Variants in LYPD1 observed in about 807,000 individuals in gnomAD.
LYPD1 encodes ly6/PLAUR domain-containing protein 1.
In LYPD1, 14 loss-of-function variants were observed where a neutral mutation model predicts 14.2. That is an observed-to-expected ratio of 0.99 (90% CI 0.65 to 1.54). The LOEUF (loss-of-function observed/expected upper bound fraction) is 1.54, where lower values mean the gene tolerates loss of function less well. Among genes scored for constraint, LYPD1 ranks in the 40% most tolerant of loss-of-function variants. LYPD1 has a pLI of 0.00. For synonymous variants in LYPD1, 85 were observed against 70.6 expected, an observed-to-expected ratio of 1.20 and a Z score of -1.02; for missense variants, 165 against 175.7, an observed-to-expected ratio of 0.94 and a Z score of 0.34.
Position 132,654,924 on chromosome 2 carries a change from A to T in LYPD1, c.191-8644T>A, listed in dbSNP as rs1682502228. On this transcript the variant is annotated intron_variant, in intron 2 of 2. Coordinates refer to ENST00000397463, the MANE Select transcript of LYPD1 (RefSeq NM_144586.7). ...CCACCATGCCCGGTTAATTTTTTGT[A>T]TTTTTAGTAGAGACGGGGTTTCACC... is the stretch of plus-strand genomic sequence containing the variant. Among the ~76,000 whole-genome samples the T allele has an allele frequency of 2.0e-5, 3 of 151,502 alleles. No individual in the cohort carries two copies. In the East Asian group the frequency reaches 5.8e-4, roughly 29 times the overall value.
chr2:132,669,515 C>A lies in LYPD1; in HGVS notation c.52+366G>T, dbSNP rs1683508844. Among the ~76,000 whole-genome samples, 1 of 152,156 alleles carries A rather than the reference C, an allele frequency of 6.6e-6. No individual in the cohort carries two copies. The highest frequency in any genetic ancestry group is 6.5e-5 in the Admixed American group (1 of 15,284). On this transcript the variant is annotated intron_variant, in intron 1 of 2. Transcript: ENST00000397463. The surrounding 1 kb of genome is among the most constrained non-coding windows in gnomAD (Gnocchi z 4.3). The stretch of plus-strand genomic sequence containing the variant: ...GCTCACCTGTCGGCGGCGCCACTCC[C>A]ACGGGGTGCCGGAGGCGCCAGACAA...
intron 2 of LYPD1, among the ~76,000 whole-genome samples, chr2:132,656,746 T>C (rs1682617478): frequency 6.6e-6 from 1 of 152,160 alleles, no homozygotes; most frequent in Non-Finnish European, 1.5e-5. Flanking sequence ...TGAATGTGAA[T>C]ATTTTAAAGG....
intron 2 of LYPD1, among the ~76,000 whole-genome samples, chr2:132,658,383 A>G (rs1377279407): frequency 1.3e-5 from 2 of 152,204 alleles, no homozygotes; most frequent in Non-Finnish European, 2.9e-5. Context: ...AACAGAAAGG[A>G]CGGGGGCAGC....
intron 2 of LYPD1, among the ~76,000 whole-genome samples, chr2:132,653,443 T>C (rs1682432095): frequency 2.0e-5 from 3 of 152,166 alleles, no homozygotes; most frequent in Admixed American, 1.3e-4. Flanking sequence ...CTGACATAGA[T>C]AAATGAGTAA....
At chr2:132,658,392 G>A (rs1682727137) in intron 2 of LYPD1, among the ~76,000 whole-genome samples, 1 of 152,188 alleles carries the variant, frequency 6.6e-6, no homozygotes, top group African/African-American at 2.4e-5. Flanking sequence ...GACGGGGGCA[G>A]CAGTAATGGC....
intron 2 of LYPD1, among the ~76,000 whole-genome samples, chr2:132,658,111 A>C (rs563691076): frequency 3.5e-4 from 54 of 152,298 alleles, no homozygotes; most frequent in African/African-American, 1.2e-3. Flanking sequence ...CTTCCCTTGA[A>C]CCTGAATACA....
intron 2 of LYPD1, among the ~76,000 whole-genome samples, chr2:132,657,007 G>T (rs13009363): frequency 6.6e-6 from 1 of 152,280 alleles, no homozygotes; most frequent in African/African-American, 2.4e-5. Context: ...CAATGAAATA[G>T]ACATGAAACA....
chr2:132,646,383 A>C, intron 2 of LYPD1, 103 bp from the exon 3 acceptor site: 1 of 698,812 alleles, frequency 1.4e-6, no homozygotes, highest in Non-Finnish European at 2.2e-6. Context: ...TACTCCTCCC[A>C]CAGCCCAGAG....
At chr2:132,649,488 G>A (rs73955768) in intron 2 of LYPD1, among the ~76,000 whole-genome samples, 2,145 of 152,292 alleles carry the variant, frequency 0.014, 53 homozygotes, top group African/African-American at 0.048. Context: ...CGATGGGAAC[G>A]GAGGTGCAGG....
intron 2 of LYPD1, among the ~76,000 whole-genome samples, chr2:132,662,778 T>C (rs1410200966): frequency 6.6e-6 from 1 of 152,202 alleles, no homozygotes; most frequent in East Asian, 1.9e-4. Context: ...CTTTGAAACC[T>C]CTCTGTTTAA....
chr2:132,655,513 C>CTTTTT (rs1558879316), intron 2 of LYPD1, among the ~76,000 whole-genome samples: 1 of 61,018 alleles, frequency 1.6e-5, no homozygotes. Context: ...GGTTGAGAAG[C>CTTTTT]ATTTTTTTTT....
intron 2 of LYPD1, chr2:132,663,229 A>G (rs559134384): frequency 1.3e-5 from 2 of 152,330 alleles, no homozygotes; most frequent in Admixed American, 6.5e-5. Context: ...GTTTTAATAT[A>G]TGAAGATATA....
In LYPD1 at chr2:132,668,452, G is replaced by GC; in HGVS notation, c.137dup (p.Cys46TrpfsTer62). On this transcript the variant is annotated frameshift_variant, in exon 2 of 3. Coordinates refer to ENST00000397463, the MANE Select transcript of LYPD1 (RefSeq NM_144586.7). LOFTEE classifies it high-confidence loss of function. Reference sequence around the variant, plus strand: ...GACACATGTCTTGAACGTTCACCGTGCAATTCACAATGAACTCGGGGGAGG... The same window carrying GC: ...GACACATGTCTTGAACGTTCACCGTGCCAATTCACAATGAACTCGGGGGAGG... The GC allele has an allele frequency of 6.2e-7, 1 of 1,610,784 alleles. No individual in the cohort carries two copies. The highest frequency in any genetic ancestry group is 8.5e-7 in the Non-Finnish European group (1 of 1,178,546).
Position 132,646,193 on chromosome 2 carries a change from A to AC in LYPD1, c.277_278insG (p.Leu93ArgfsTer15). 3.7e-6 allele frequency: 6 copies of AC among 1,609,648 alleles called. No homozygotes were observed. The highest frequency in any genetic ancestry group is 5.1e-6 in the Non-Finnish European group (6 of 1,177,558). ...GCAGCAGCTGATGCAAACTGAGTTC[A>AC]GTTTCCCTGGGGAGCAGAAGGACTG... On this transcript the variant is annotated frameshift_variant, in exon 3 of 3. Transcript: ENST00000397463. LOFTEE classifies it high-confidence loss of function.
At position 132,657,947 on chromosome 2, in the gene LYPD1, T is replaced by C. The variant is rs1177475188; in HGVS notation, c.190+10453A>G. 2.0e-5 allele frequency among the ~76,000 whole-genome samples: 3 copies of C among 152,186 alleles called. No homozygotes were observed. The East Asian group carries it at 5.8e-4, about 29-fold the overall frequency. ...AGCTGATCTGGCAGACAATCACAGTTGGCCACTCAGTCACTACCCTTACAG... is the reference window on the plus strand; with the variant it reads ...AGCTGATCTGGCAGACAATCACAGTCGGCCACTCAGTCACTACCCTTACAG... On this transcript the variant is annotated intron_variant, in intron 2 of 2. Transcript: ENST00000397463.
rs999372907 is a variant in LYPD1, at chr2:132,668,295, G to A, written c.190+105C>T. On this transcript the variant is annotated intron_variant, in intron 2 of 2. Coordinates refer to ENST00000397463, the MANE Select transcript of LYPD1 (RefSeq NM_144586.7). ...CTAAATCTGCGATAACCAGTGTGTG[G>A]GCATTAAATCAAAGTCAGTCCTTTT... The A allele has an allele frequency of 7.6e-5, 103 of 1,354,660 alleles. No individual in the cohort carries two copies. In the Admixed American group the frequency reaches 2.4e-3, roughly 32 times the overall value. 83.9% of individuals were successfully genotyped at this position (1,354,660 alleles called of 1,614,324 possible).
intron 2 of LYPD1, among the ~76,000 whole-genome samples, chr2:132,651,335 G>T (rs1434462860): frequency 6.6e-6 from 1 of 152,178 alleles, no homozygotes; most frequent in Non-Finnish European, 1.5e-5. Context: ...AGAGCCACCA[G>T]GAGCTGCCCC....
chr2:132,659,316 G>A (rs1378829322), intron 2 of LYPD1, among the ~76,000 whole-genome samples: 1 of 152,188 alleles, frequency 6.6e-6, no homozygotes, highest in Non-Finnish European at 1.5e-5. Flanking sequence ...GTGAGTGTGT[G>A]TGTCTGTGTA....
Position 132,644,928 on chromosome 2 carries a change from T to C in LYPD1, c.*1117A>G. ...GGGTTTGAAACAGTGTTAAATTCTC[T>C]CTTGCTTGTGGCAAAAGAAGCTGTC... On this transcript the variant is annotated 3_prime_UTR_variant, in exon 3 of 3. Transcript: ENST00000397463. 1 of 689,534 alleles carries C rather than the reference T, an allele frequency of 1.5e-6. No individual in the cohort carries two copies. The highest frequency in any genetic ancestry group is 2.4e-6 in the Non-Finnish European group (1 of 420,484). The allele number at this position is 689,534 out of a possible 1,614,324, so 42.7% of individuals were successfully genotyped here. A position where few individuals can be genotyped will look rare whatever the true frequency, so the allele number is the denominator to read the frequency against.
Sources: allele counts gnomAD v4.1 joint callset (sites outside exome capture counted in the v4.1 genomes callset), GRCh38; gene constraint gnomAD v4.1.1; non-coding constraint Gnocchi (gnomAD v3.1); transcripts MANE v1.5; gene names NCBI Gene and HGNC (gene_info 2026-07-23, HGNC 2026-07-21).